Variants in PTPN21 observed in about 807,000 individuals in gnomAD.
PTPN21 encodes the protein tyrosine-protein phosphatase non-receptor type 21.
In PTPN21, 77 loss-of-function variants were observed where a neutral mutation model predicts 131.8. That is an observed-to-expected ratio of 0.58 (90% CI 0.49 to 0.71). The LOEUF is 0.71. PTPN21 is among the 30% of genes least tolerant of loss of function. The pLI is 0.00. For missense variants in PTPN21, 1,552 were observed against 1,527.1 expected, an observed-to-expected ratio of 1.02 and a Z score of -0.27; for synonymous variants, 715 against 621.3, an observed-to-expected ratio of 1.15 and a Z score of -2.24.
At chr14:88,501,702 G>C (rs911026435) in intron 6 of PTPN21, among the ~76,000 whole-genome samples, 1 of 152,112 alleles carries the variant, frequency 6.6e-6, no homozygotes, top group East Asian at 1.9e-4. Context: ...ATCAGGGCTG[G>C]GCATGGTGAC....
chr14:88,518,386 G>GTGTATATATATATATATATATA (rs1259300832), intron 2 of PTPN21, among the ~76,000 whole-genome samples: 1 of 9,704 alleles, frequency 1.0e-4, no homozygotes, highest in Non-Finnish European at 2.2e-4. Context: ...GTGTGTGTGT[G>GTGTATATATATATATATATATA]TATATATATA....
chr14:88,545,486 C>G (rs557613242), intron 2 of PTPN21, among the ~76,000 whole-genome samples: 5 of 152,356 alleles, frequency 3.3e-5, no homozygotes, highest in African/African-American at 1.2e-4. Context: ...TCCTTCAAGC[C>G]TCTACAGCAT....
In PTPN21 at chr14:88,479,229, C is replaced by G; in HGVS notation, c.2202G>C (p.Glu734Asp). ...GARAPPARAR[E>D]PRPGLAQDPP... The stretch of plus-strand genomic sequence containing the variant: ...GGTCCTGGGCCAGGCCGGGCCGAGG[C>G]TCGCGCGCACGTGCAGGAGGCGCCC... The change falls in exon 13 of 19, where the codon GAG becomes GAC. Residue 734 changes from glutamate (E) to aspartate (D), a missense_variant. Glu to Asp is a conservative substitution (Grantham distance 45, BLOSUM62 2). Around this residue, in one of 4 missense-constraint regions of PTPN21, gnomAD observed 1,016 missense variants for 883.5 expected, o/e 1.15. Transcript: ENST00000556564. 6.2e-7 allele frequency: 1 copy of G among 1,604,816 alleles called. No homozygotes were observed. The highest frequency in any genetic ancestry group is 2.2e-5 in the East Asian group (1 of 44,692).
At position 88,479,845 on chromosome 14, in the gene PTPN21, T is replaced by C; in HGVS notation, c.1586A>G (p.Glu529Gly). The change falls in exon 13 of 19, where the codon GAG (glutamate) becomes GGG (glycine). Residue 529 changes from glutamate (E) to glycine (G), a missense_variant. Transcript: ENST00000556564. Reference sequence around the variant, plus strand: ...GACCGCGCCCACCACGGGCCGCCGCTCGGCAGGGTAGGGGTAGGGAGACGG... The same window carrying C: ...GACCGCGCCCACCACGGGCCGCCGCCCGGCAGGGTAGGGGTAGGGAGACGG... Reference protein sequence around the residue: ...HSPSPYPYPAERRPVVGAVSV... With the variant: ...HSPSPYPYPAGRRPVVGAVSV... 6.4e-7 allele frequency: 1 copy of C among 1,557,162 alleles called. No homozygotes were observed. The highest frequency in any genetic ancestry group is 1.2e-5 in the South Asian group (1 of 83,004).
intron 3 of PTPN21, among the ~76,000 whole-genome samples, chr14:88,510,089 A>T (rs999537691): frequency 3.3e-5 from 5 of 152,212 alleles, no homozygotes; most frequent in African/African-American, 9.6e-5. Flanking sequence ...CAATTAATGT[A>T]GCCTTCCACA....
Position 88,467,618 on chromosome 14 carries a change from A to G in PTPN21, c.*519T>C, listed in dbSNP as rs2077384987. ...CCATTATTAAGTACCCAAGGTTTTT[A>G]AAAAATAACAAAAGATAATAACATG... is the stretch of plus-strand genomic sequence containing the variant. On this transcript the variant is annotated 3_prime_UTR_variant, in exon 19 of 19. Transcript: ENST00000556564. 2 of 151,750 alleles carry G rather than the reference A, an allele frequency of 1.3e-5. No individual in the cohort carries two copies. Among genetic ancestry groups the G allele is most frequent in the Non-Finnish European group, 2.9e-5 (2 of 68,302 alleles). 9.4% of individuals were successfully genotyped at this position (151,750 alleles called of 1,614,324 possible).
intron 10 of PTPN21, among the ~76,000 whole-genome samples, chr14:88,495,014 A>C (rs1595367899): frequency 7.5e-5 from 1 of 13,370 alleles, no homozygotes; most frequent in African/African-American, 1.9e-4. Flanking sequence ...CTCTGTCTCC[A>C]AAAAAAAAAA....
intron 2 of PTPN21, among the ~76,000 whole-genome samples, chr14:88,523,469 A>G (rs2078428714): frequency 6.6e-6 from 1 of 152,200 alleles, no homozygotes; most frequent in Non-Finnish European, 1.5e-5. Flanking sequence ...ATGAGCATTT[A>G]GGAAAAACCC....
rs748171141 is a variant in PTPN21, at chr14:88,469,727, C to T, written c.3007G>A (p.Gly1003Arg). Residue 1003 changes from glycine to arginine, a missense_variant, in exon 17 of 19, where the codon GGA (glycine) becomes AGA (arginine). Physicochemically the swap from Gly to Arg is moderately radical, Grantham distance 125 (BLOSUM62 -2). Coordinates refer to ENST00000556564, the MANE Select transcript of PTPN21 (RefSeq NM_007039.4). This position sits in a 1 kb window ranked among gnomAD's most constrained non-coding sequence, Gnocchi z 4.3. Reference sequence around the variant, plus strand: ...CAGTACCTAAAGCTCTTCTCCCTTCCACCCTCCTGTTAAAGATGAGCATGG... The same window carrying T: ...CAGTACCTAAAGCTCTTCTCCCTTCTACCCTCCTGTTAAAGATGAGCATGG... ...IAMVTAEEEG[G>R]REKSFRYWPR... 1 of 1,614,060 alleles carries T rather than the reference C, an allele frequency of 6.2e-7. No individual in the cohort carries two copies. Among genetic ancestry groups the T allele is most frequent in the Admixed American group, 1.7e-5 (1 of 60,020 alleles).
intron 10 of PTPN21, among the ~76,000 whole-genome samples, chr14:88,486,977 C>CAAAAAAAAAAAAAAAAAA (rs1198956976): frequency 1.8e-5 from 1 of 54,636 alleles, no homozygotes; most frequent in African/African-American, 5.8e-5. Context: ...ATTCTAGCCT[C>CAAAAAAAAAAAAAAAAAA]AAAAAAAAAA....
At chr14:88,542,136 A>T (rs2078716102) in intron 2 of PTPN21, among the ~76,000 whole-genome samples, 1 of 152,232 alleles carries the variant, frequency 6.6e-6, no homozygotes, top group Non-Finnish European at 1.5e-5. Flanking sequence ...GTAATCACTC[A>T]AACTTTTCTT....
At chr14:88,504,676 A>G (rs2078061718) in intron 5 of PTPN21, among the ~76,000 whole-genome samples, 181 bp from the exon 6 acceptor site, 1 of 151,870 alleles carries the variant, frequency 6.6e-6, no homozygotes, top group Non-Finnish European at 1.5e-5. Flanking sequence ...GCTTCTCACA[A>G]GAGCCAAAAA....
Position 88,491,248 on chromosome 14 carries a change from T to C in PTPN21, c.932+5165A>G, listed in dbSNP as rs527453276. Among the ~76,000 whole-genome samples the C allele has an allele frequency of 5.9e-5, 9 of 152,326 alleles. No homozygotes were observed. The East Asian group carries it at 1.5e-3, about 26-fold the overall frequency. The stretch of plus-strand genomic sequence containing the variant: ...CTGTTGGATTATGCCATTGTATAAA[T>C]ACTAAAATATAGTTATCTGGGTCAA... On this transcript the variant is annotated intron_variant, in intron 10 of 18. Coordinates refer to ENST00000556564, the MANE Select transcript of PTPN21 (RefSeq NM_007039.4).
At chr14:88,510,845 C>T (rs1238051136) in intron 3 of PTPN21, among the ~76,000 whole-genome samples, 1 of 151,856 alleles carries the variant, frequency 6.6e-6, no homozygotes, top group Non-Finnish European at 1.5e-5. Context: ...TTGTATTATC[C>T]CTCAAATACT....
chr14:88,506,064 G>A (rs2078083092), intron 4 of PTPN21, among the ~76,000 whole-genome samples: 1 of 152,140 alleles, frequency 6.6e-6, no homozygotes, highest in South Asian at 2.1e-4. Flanking sequence ...TCCCAGCCAG[G>A]CACAGTGGCT....
At chr14:88,508,150 GTTTTT>G (rs34305703) in intron 3 of PTPN21, 130 bp from the exon 4 acceptor site, 3 of 398,248 alleles carry the variant, frequency 7.5e-6, no homozygotes, top group Admixed American at 4.5e-5. Flanking sequence ...GGTTGTGTGT[GTTTTT>G]TTTTTTTTTT....
chr14:88,493,652 C>T (rs1053681943), intron 10 of PTPN21, among the ~76,000 whole-genome samples: 13 of 152,108 alleles, frequency 8.5e-5, no homozygotes, highest in Admixed American at 5.2e-4. Context: ...TGAGATAGGG[C>T]GTGGGGGGCC....
At position 88,541,014 on chromosome 14, in the gene PTPN21, C is replaced by T. The variant is rs774636215; in HGVS notation, c.180+9224G>A. On this transcript the variant is annotated intron_variant, in intron 2 of 18. Coordinates refer to ENST00000556564, the MANE Select transcript of PTPN21 (RefSeq NM_007039.4). ...GCTTGCCACTCAGCATGAGATTACC[C>T]GTATATTTTCTTAGCCTGAGTAGGC... 4.6e-5 allele frequency among the ~76,000 whole-genome samples: 7 copies of T among 152,098 alleles called. No homozygotes were observed. In the East Asian group the frequency reaches 5.8e-4, roughly 13 times the overall value.
At chr14:88,513,111 T>C (rs1392602685) in intron 3 of PTPN21, among the ~76,000 whole-genome samples, 1 of 152,206 alleles carries the variant, frequency 6.6e-6, no homozygotes, top group Admixed American at 6.5e-5. Flanking sequence ...GTATTATGAA[T>C]TCATGAATTT....
Sources: allele counts gnomAD v4.1 joint callset (sites outside exome capture counted in the v4.1 genomes callset), GRCh38; gene constraint gnomAD v4.1.1; regional missense constraint gnomAD v4.1.1; non-coding constraint Gnocchi (gnomAD v3.1); transcripts MANE v1.5; gene names NCBI Gene and HGNC (gene_info 2026-07-23, HGNC 2026-07-21).